PDE1C: variants seen among roughly 807,000 people sequenced by gnomAD.
The protein encoded by PDE1C is phosphodiesterase 1C, also known as dual specificity calcium/calmodulin-dependent 3',5'-cyclic nucleotide phosphodiesterase 1C.
Under a neutral mutation model 93.1 loss-of-function variants are expected in PDE1C, and 62 were observed. That is an observed-to-expected ratio of 0.67 (90% CI 0.54 to 0.82). The LOEUF is 0.82. Among genes scored for constraint, PDE1C ranks in the 40% least tolerant of loss-of-function variants. PDE1C has a pLI of 0.00. For missense variants in PDE1C, 742 were observed against 884.6 expected, an observed-to-expected ratio of 0.84 and a Z score of 2.04; for synonymous variants, 325 against 310.1, an observed-to-expected ratio of 1.05 and a Z score of -0.50.
intron 1 of PDE1C, among the ~76,000 whole-genome samples, chr7:32,368,278 A>T (rs974904274): frequency 6.6e-6 from 1 of 151,928 alleles, no homozygotes; most frequent in Non-Finnish European, 1.5e-5. Flanking sequence ...AACTGAAAAA[A>T]CTCTTAGAAC....
chr7:31,927,764 C>T (rs1162088090), intron 2 of PDE1C, among the ~76,000 whole-genome samples: 1 of 152,132 alleles, frequency 6.6e-6, no homozygotes, highest in African/African-American at 2.4e-5. Context: ...AGGACACCCA[C>T]AGAAAAACCC....
the PDE1C span, among the ~76,000 whole-genome samples, chr7:31,675,971 G>A: frequency 6.6e-6 from 1 of 152,268 alleles, no homozygotes; most frequent in African/African-American, 2.4e-5. Flanking sequence ...ACATGGAAGA[G>A]AGTATCTAAC....
chr7:31,640,486 G>A, the PDE1C span, among the ~76,000 whole-genome samples: 1 of 152,220 alleles, frequency 6.6e-6, no homozygotes, highest in African/African-American at 2.4e-5. Context: ...TCAGCTTCAA[G>A]TGTCTGCAAG....
chr7:32,034,617 G>T (rs540955488), intron 2 of PDE1C, among the ~76,000 whole-genome samples: 303 of 152,136 alleles, frequency 2.0e-3, no homozygotes, highest in African/African-American at 7.0e-3. Flanking sequence ...ATCTAAACAG[G>T]AATTAACCAA....
At chr7:31,970,171 A>G (rs1464515347) in intron 2 of PDE1C, among the ~76,000 whole-genome samples, 3 of 152,164 alleles carry the variant, frequency 2.0e-5, no homozygotes, top group Non-Finnish European at 2.9e-5. Context: ...AAAAAGAAAA[A>G]AGTGTCTAGA....
chr7:32,184,860 C>T (rs1183370295), intron 2 of PDE1C, among the ~76,000 whole-genome samples: 4 of 152,100 alleles, frequency 2.6e-5, no homozygotes, highest in African/African-American at 9.7e-5. Flanking sequence ...GCCTGTAATC[C>T]CAACACTTTG....
At chr7:31,652,567 A>G in the PDE1C span, 6 of 1,610,742 alleles carry the variant, frequency 3.7e-6, no homozygotes, top group African/African-American at 1.3e-5. Flanking sequence ...TCAAATCTGC[A>G]TCAATATAAC....
intron 1 of PDE1C, among the ~76,000 whole-genome samples, chr7:32,212,934 T>G (rs1258066805): frequency 6.6e-6 from 1 of 152,190 alleles, no homozygotes; most frequent in African/African-American, 2.4e-5. Flanking sequence ...AGAATTTACA[T>G]GTCTGACAAG....
intron 2 of PDE1C, among the ~76,000 whole-genome samples, chr7:31,996,843 A>G (rs1784787495): frequency 6.6e-6 from 1 of 152,238 alleles, no homozygotes; most frequent in Non-Finnish European, 1.5e-5. Flanking sequence ...GAGAAAAGAC[A>G]GCAATAAGAA....
the PDE1C span, among the ~76,000 whole-genome samples, chr7:31,719,390 T>C: frequency 3.3e-5 from 5 of 150,688 alleles, no homozygotes; most frequent in African/African-American, 1.2e-4. Context: ...GCTATAATCC[T>C]GAGCAAGTCG....
intron 2 of PDE1C, among the ~76,000 whole-genome samples, chr7:31,929,753 A>T (rs1325637208): frequency 1.3e-5 from 2 of 152,218 alleles, no homozygotes; most frequent in Non-Finnish European, 2.9e-5. Context: ...CCAAGACACA[A>T]CGTATCAGAA....
intron 2 of PDE1C, among the ~76,000 whole-genome samples, chr7:32,012,872 C>T (rs987660552): frequency 6.6e-6 from 1 of 152,156 alleles, no homozygotes; most frequent in South Asian, 2.1e-4. Context: ...CTTTGAGCCT[C>T]TCATTTTCCA....
At chr7:31,876,171 G>GA (rs1282024029) in intron 5 of PDE1C, among the ~76,000 whole-genome samples, 1 of 151,984 alleles carries the variant, frequency 6.6e-6, no homozygotes, top group African/African-American at 2.4e-5. Context: ...TGGAGAAGTG[G>GA]AAAAAACATT....
Position 31,816,145 on chromosome 7 carries a change from G to A in PDE1C, c.1592C>T (p.Ala531Val). ...WRAKVPKEEK[A>V]KKEAEEKARL... ...AGCCTTTTCCTCTGCTTCCTTCTTG[G>A]CCTTCTCCTCTGCATCCATGGCAAG... is the stretch of plus-strand genomic sequence containing the variant. Residue 531 changes from alanine to valine, a missense_variant, in exon 15 of 18, where the codon GCC becomes GTC. By Grantham distance (64) the Ala-to-Val change is moderately conservative. Transcript: ENST00000396191. 1 of 1,613,468 alleles carries A rather than the reference G, an allele frequency of 6.2e-7. No individual in the cohort carries two copies. Among genetic ancestry groups the A allele is most frequent in the Non-Finnish European group, 8.5e-7 (1 of 1,179,826 alleles).
intron 2 of PDE1C, among the ~76,000 whole-genome samples, chr7:32,048,983 G>A (rs577349022): frequency 6.6e-6 from 1 of 152,246 alleles, no homozygotes; most frequent in East Asian, 1.9e-4. Context: ...AACCTTGACA[G>A]GTTTGAGCAG....
At chr7:32,070,679 G>A, upstream of PDE1C, 1 of 1,295,484 alleles carries the variant, frequency 7.7e-7, no homozygotes, top group Non-Finnish European at 9.8e-7. Flanking sequence ...TAGGGATTGG[G>A]ATTGGACTCC....
At chr7:31,952,811 G>C (rs1373372837) in intron 2 of PDE1C, among the ~76,000 whole-genome samples, 2 of 152,122 alleles carry the variant, frequency 1.3e-5, no homozygotes, top group Non-Finnish European at 2.9e-5. Flanking sequence ...ATTTATATGA[G>C]TCATACTTCA....
At chr7:31,845,640 C>T (rs756768628) in intron 9 of PDE1C, among the ~76,000 whole-genome samples, 4 of 151,764 alleles carry the variant, frequency 2.6e-5, no homozygotes, top group Non-Finnish European at 5.9e-5. Context: ...ACTTTCTGCA[C>T]ACGTATCCCA....
At chr7:32,251,093 ACAC>A (rs1377375741) in intron 1 of PDE1C, among the ~76,000 whole-genome samples, 2 of 152,226 alleles carry the variant, frequency 1.3e-5, no homozygotes, top group Non-Finnish European at 2.9e-5. Context: ...GCGCACACAC[ACAC>A]AAGGCTAATG....
Sources: gnomAD v4.1 joint callset for allele counts (sites outside exome capture counted in the v4.1 genomes callset) on GRCh38, gnomAD v4.1.1 for gene constraint, MANE v1.5 for transcripts, NCBI Gene and HGNC (gene_info 2026-07-23, HGNC 2026-07-21) for gene names.